MECOM: variants seen among roughly 807,000 people sequenced by gnomAD.
MECOM encodes MDS1 and EVI1 complex locus.
MECOM carries 13 observed loss-of-function variants against 116.3 expected under a neutral mutation model. That is an observed-to-expected ratio of 0.11 (90% CI 0.07 to 0.18). MECOM has a LOEUF of 0.18. Ranked by LOEUF, MECOM falls within the 10% of genes least tolerant of loss-of-function variation. The pLI is 1.00. For missense variants in MECOM, 1,299 were observed against 1,509.0 expected (o/e 0.86, Z 2.31); for synonymous variants, 528 against 535.2 (o/e 0.99, Z 0.19).
intron 1 of MECOM, among the ~76,000 whole-genome samples, chr3:169,564,945 C>T (rs894819938): frequency 1.3e-5 from 2 of 152,206 alleles, no homozygotes; most frequent in Non-Finnish European, 2.9e-5. Flanking sequence ...TTAAAGAGAA[C>T]TTTGAAGAAG....
chr3:169,639,351 A>G (rs964165215), intron 1 of MECOM, among the ~76,000 whole-genome samples: 1 of 152,208 alleles, frequency 6.6e-6, no homozygotes, highest in Non-Finnish European at 1.5e-5. Flanking sequence ...ACTCAGTCCA[A>G]TTAGAAGAAA....
intron 1 of MECOM, among the ~76,000 whole-genome samples, chr3:169,543,780 G>C (rs937472363): frequency 1.1e-4 from 17 of 152,070 alleles, no homozygotes; most frequent in Non-Finnish European, 2.5e-4. Flanking sequence ...CCATTAATCA[G>C]TATCTGTACA....
At chr3:169,276,523 A>G (rs1338222821) in intron 2 of MECOM, among the ~76,000 whole-genome samples, 1 of 149,130 alleles carries the variant, frequency 6.7e-6, no homozygotes, top group Non-Finnish European at 1.5e-5. Flanking sequence ...ACTGCACTCC[A>G]GCCTGGGCAA....
At chr3:169,297,295 A>C (rs1301528519) in intron 2 of MECOM, among the ~76,000 whole-genome samples, 1 of 152,220 alleles carries the variant, frequency 6.6e-6, no homozygotes, top group Non-Finnish European at 1.5e-5. Context: ...CTCCTGGGCT[A>C]TTATTGCCTA....
intron 2 of MECOM, among the ~76,000 whole-genome samples, chr3:169,367,015 C>T (rs1222491537): frequency 6.6e-6 from 1 of 152,048 alleles, no homozygotes; most frequent in Non-Finnish European, 1.5e-5. Context: ...CGCACTGTGC[C>T]CCCAGGAAGA....
At chr3:169,620,496 T>C (rs1462914027) in intron 1 of MECOM, among the ~76,000 whole-genome samples, 2 of 152,238 alleles carry the variant, frequency 1.3e-5, no homozygotes, top group Admixed American at 1.3e-4. Flanking sequence ...AGTTTTTCTA[T>C]TGCCCTTTGA....
intron 9 of MECOM, among the ~76,000 whole-genome samples, chr3:169,109,706 G>A (rs569957561): frequency 1.3e-5 from 2 of 152,116 alleles, no homozygotes; most frequent in Non-Finnish European, 2.9e-5. Flanking sequence ...ATGAGTCACC[G>A]CACCCGGCCT....
At chr3:169,146,690 T>A (rs886484364) in intron 2 of MECOM, 1 of 1,281,462 alleles carries the variant, frequency 7.8e-7, no homozygotes, top group East Asian at 5.2e-5. Flanking sequence ...TCGCCCAGAC[T>A]TTTTTTCCTT....
In MECOM at chr3:169,132,696, T is replaced by C. The variant is rs554240650; in HGVS notation, c.511-1165A>G. The stretch of plus-strand genomic sequence containing the variant: ...CTCTCTCTTTAACAGTGCCAATAAG[T>C]CTTTTCTCCCAATCTTCCTAAGAAT... On this transcript the variant is annotated intron_variant, in intron 3 of 16. Transcript: ENST00000651503. Among the ~76,000 whole-genome samples the C allele has an allele frequency of 6.6e-5, 10 of 152,114 alleles. No homozygotes were observed. The South Asian group carries it at 2.1e-3, about 32-fold the overall frequency.
In MECOM at chr3:169,343,058, G is replaced by C. The variant is rs186556095; in HGVS notation, c.375+38129C>G. 2.0e-3 allele frequency among the ~76,000 whole-genome samples: 305 copies of C among 152,198 alleles called. 1 individual carries two copies. The highest frequency in any genetic ancestry group is 6.6e-3 in the South Asian group (32 of 4,820). ...AAAGTGTCTTTTAACAGAGGGAAAC[G>C]GGTATGAAAATGGGCAAAGAAAGGA... On this transcript the variant is annotated intron_variant, in intron 2 of 16. Transcript: ENST00000651503.
chr3:169,633,870 A>T (rs1247328298), intron 1 of MECOM, among the ~76,000 whole-genome samples: 1 of 150,884 alleles, frequency 6.6e-6, no homozygotes, highest in Non-Finnish European at 1.5e-5. Flanking sequence ...AAAAGGAAAA[A>T]GAAAGAGAGA....
In MECOM at chr3:169,230,247, G is replaced by GAA. The variant is rs5854319; in HGVS notation, c.376-86417_376-86416dup. 5.4e-4 allele frequency among the ~76,000 whole-genome samples: 81 copies of GAA among 148,734 alleles called. 2 individuals are homozygous for GAA. The East Asian group carries it at 6.4e-3, about 12-fold the overall frequency. On this transcript the variant is annotated intron_variant, in intron 2 of 16. Coordinates refer to ENST00000651503, the MANE Select transcript of MECOM (RefSeq NM_004991.4). ...AAATTTCCTCTTTTAGTGCCAAAAA[G>GAA]AAAAAAAAAAGGTTCTGGATTGCAA...
At chr3:169,304,201 C>G (rs745978498) in intron 2 of MECOM, among the ~76,000 whole-genome samples, 2 of 152,238 alleles carry the variant, frequency 1.3e-5, no homozygotes, top group Non-Finnish European at 2.9e-5. Context: ...CATGTAATGA[C>G]AGCCTTGATA....
At chr3:169,620,146 G>A (rs1770535423) in intron 1 of MECOM, among the ~76,000 whole-genome samples, 1 of 152,194 alleles carries the variant, frequency 6.6e-6, no homozygotes, top group South Asian at 2.1e-4. Context: ...TTAACACAAG[G>A]CTCAGAGGGC....
chr3:169,213,503 T>A (rs2149480416), intron 2 of MECOM, among the ~76,000 whole-genome samples: 1 of 152,252 alleles, frequency 6.6e-6, no homozygotes, highest in East Asian at 1.9e-4. Flanking sequence ...TCAACTTTTA[T>A]CCTATTAAAA....
chr3:169,589,656 T>A (rs1200129864), intron 1 of MECOM, among the ~76,000 whole-genome samples: 2 of 152,170 alleles, frequency 1.3e-5, no homozygotes, highest in Non-Finnish European at 2.9e-5. Context: ...CCCCCACTGA[T>A]TTATTGCTGA....
intron 1 of MECOM, among the ~76,000 whole-genome samples, chr3:169,475,084 A>AG (rs1750133827): frequency 3.3e-5 from 5 of 152,242 alleles, no homozygotes; most frequent in Admixed American, 6.5e-5. Flanking sequence ...CTAACACAGC[A>AG]CGTAAACAAT....
At chr3:169,446,344 A>G (rs1414041343) in intron 1 of MECOM, among the ~76,000 whole-genome samples, 19 of 152,066 alleles carry the variant, frequency 1.2e-4, no homozygotes, top group Admixed American at 1.2e-3. Context: ...GTCTCACGAG[A>G]TCTGATGGGT....
chr3:169,085,134 G>C (rs932247205), intron 16 of MECOM, 91 bp from the exon 17 acceptor site: 13 of 1,513,812 alleles, frequency 8.6e-6, no homozygotes, highest in Non-Finnish European at 1.2e-5. Context: ...GAAAGGGATG[G>C]GACCCTGAGT....
Sources: allele counts gnomAD v4.1 joint callset (sites outside exome capture counted in the v4.1 genomes callset), GRCh38; gene constraint gnomAD v4.1.1; transcripts MANE v1.5; gene names NCBI Gene and HGNC (gene_info 2026-07-23, HGNC 2026-07-21).